The following RPS6KA2 variants were observed in gnomAD, a reference collection of about 807,000 sequenced individuals.
RPS6KA2 encodes ribosomal protein S6 kinase A2.
In RPS6KA2, 42 loss-of-function variants were observed where a neutral mutation model predicts 91.8. That is an observed-to-expected ratio of 0.46 (90% CI 0.36 to 0.59). RPS6KA2 has a LOEUF of 0.59. RPS6KA2 is among the 20% of genes least tolerant of loss of function. RPS6KA2 has a pLI of 0.00. For missense variants in RPS6KA2, 798 were observed against 978.5 expected (o/e 0.82, Z 2.46); for synonymous variants, 414 against 393.6 (o/e 1.05, Z -0.61).
At chr6:166,862,438 G>A (rs1429136841) in exon 1 of RPS6KA2, 7 of 1,262,756 alleles carry the variant, frequency 5.5e-6, no homozygotes, top group Non-Finnish European at 7.2e-6. Flanking sequence ...GCTCTGGGGA[G>A]CTGCTGCCGC....
rs1790689508 is a variant in RPS6KA2, at chr6:166,737,075, A to G, written c.123+121125T>C. 6.6e-6 allele frequency among the ~76,000 whole-genome samples: 1 copy of G among 152,180 alleles called. No homozygotes were observed. Among genetic ancestry groups the G allele is most frequent in the African/African-American group, 2.4e-5 (1 of 41,440 alleles). ...GCATGGAGCCTACGCTTTTTTACAG[A>G]CGCAAAAAGATAGATGCACATTCTT... On this transcript the variant is annotated intron_variant, in intron 2 of 21. Coordinates refer to the RPS6KA2 transcript ENST00000503859. This position sits in a 1 kb window ranked among gnomAD's most constrained non-coding sequence, Gnocchi z 4.3.
At chr6:166,558,984 T>G (rs1404251216) in intron 1 of RPS6KA2, among the ~76,000 whole-genome samples, 2 of 152,212 alleles carry the variant, frequency 1.3e-5, no homozygotes, top group African/African-American at 4.8e-5. Context: ...GTTTTGTGCT[T>G]TTGAGTGGGT....
intron 1 of RPS6KA2, among the ~76,000 whole-genome samples, chr6:166,588,763 C>T (rs1583305289): frequency 6.6e-6 from 1 of 152,190 alleles, no homozygotes; most frequent in African/African-American, 2.4e-5. Flanking sequence ...CCCGGAAGCT[C>T]AGGGCCCGAA....
intron 2 of RPS6KA2, among the ~76,000 whole-genome samples, chr6:166,761,500 A>G (rs1048005605): frequency 2.6e-5 from 4 of 152,236 alleles, no homozygotes; most frequent in Non-Finnish European, 5.9e-5. Context: ...AAGCATTGCT[A>G]TTGTTGACAG....
chr6:166,588,003 G>A (rs1177430495), intron 1 of RPS6KA2, among the ~76,000 whole-genome samples: 1 of 152,240 alleles, frequency 6.6e-6, no homozygotes, highest in Non-Finnish European at 1.5e-5. Flanking sequence ...AAAATATGCA[G>A]CATAAAATGA....
chr6:166,823,434 AGTGTGTGTGT>A lies in RPS6KA2; in HGVS notation c.123+34756_123+34765del, dbSNP rs56187218. 2.4e-3 allele frequency among the ~76,000 whole-genome samples: 348 copies of A among 148,032 alleles called. 1 individual carries two copies. The highest frequency in any genetic ancestry group is 8.7e-3 in the South Asian group (40 of 4,600). On this transcript the variant is annotated intron_variant, in intron 2 of 21. Coordinates refer to the RPS6KA2 transcript ENST00000503859. ...TTGTTATGCACTGTATTGGTTTTGC[AGTGTGTGTGT>A]GTGTGTGTGTGTGTGTGTGTGTGTG...
rs1325192661 is a variant in RPS6KA2, at chr6:166,480,502, T to A, written c.907+8331A>T. On this transcript the variant is annotated intron_variant, in intron 10 of 20. Transcript: ENST00000265678. ...TTTTATATATATATATATATATATA[T>A]ATATATATATATAATATATTTTTTT... 3.0e-5 allele frequency among the ~76,000 whole-genome samples: 4 copies of A among 135,338 alleles called. 1 individual carries two copies. In the Admixed American group the frequency reaches 3.0e-4, roughly 10 times the overall value. The allele number at this position is 135,338 out of a possible 152,430, so 88.8% of individuals were successfully genotyped here.
rs1019663738 is a variant in RPS6KA2 at position 166,635,331 on chromosome 6, A to G, written c.124-96547T>C. Among the ~76,000 whole-genome samples, 1 of 152,144 alleles carries G rather than the reference A, an allele frequency of 6.6e-6. No individual in the cohort carries two copies. The highest frequency in any genetic ancestry group is 1.5e-5 in the Non-Finnish European group (1 of 68,012). ...AGCAGGGACTCCTGCCCTGACGGGC[A>G]CTGCAGTCTCTGGGGTAGCACAGAC... On this transcript the variant is annotated intron_variant, in intron 2 of 21. Coordinates refer to the RPS6KA2 transcript ENST00000503859. This position sits in a 1 kb window ranked among gnomAD's most constrained non-coding sequence, Gnocchi z 4.8.
In RPS6KA2 at chr6:166,435,958, G is replaced by T. The variant is rs895435953; in HGVS notation, c.1333-3468C>A. On this transcript the variant is annotated intron_variant, in intron 14 of 20. Coordinates refer to ENST00000265678, the MANE Select transcript of RPS6KA2 (RefSeq NM_021135.6). The surrounding 1 kb of genome is among the most constrained non-coding windows in gnomAD (Gnocchi z 4.3). ...CTCCCTGTCCACTCCCTGTGGGGTT[G>T]CAGGAGCTCCCTGGGCCTCTCTACA... 6.6e-6 allele frequency among the ~76,000 whole-genome samples: 1 copy of T among 152,196 alleles called. No individual in the cohort carries two copies. The highest frequency in any genetic ancestry group is 1.5e-5 in the Non-Finnish European group (1 of 68,026).
At chr6:166,440,573 A>G (rs576748746) in intron 14 of RPS6KA2, among the ~76,000 whole-genome samples, 8 of 152,370 alleles carry the variant, frequency 5.3e-5, no homozygotes, top group Middle Eastern at 6.8e-3. Context: ...AGAATTGTCT[A>G]TTTTGGAAAA....
chr6:166,681,121 G>GT (rs1788794079), intron 2 of RPS6KA2, among the ~76,000 whole-genome samples: 1 of 152,190 alleles, frequency 6.6e-6, no homozygotes, highest in Non-Finnish European at 1.5e-5. Flanking sequence ...GGGCAGAGAG[G>GT]CAGCGCCAGA....
At chr6:166,601,367 G>A (rs1313040800) in intron 1 of RPS6KA2, among the ~76,000 whole-genome samples, 1 of 152,234 alleles carries the variant, frequency 6.6e-6, no homozygotes, top group Non-Finnish European at 1.5e-5. Flanking sequence ...TTGAAAGTAA[G>A]TTAATCTAGT....
chr6:166,478,937 G>A (rs537238637), intron 10 of RPS6KA2, among the ~76,000 whole-genome samples: 5 of 152,324 alleles, frequency 3.3e-5, no homozygotes, highest in African/African-American at 7.2e-5. Context: ...GAAGCCATCC[G>A]CTCAGGCCCA....
intron 2 of RPS6KA2, among the ~76,000 whole-genome samples, chr6:166,851,275 A>G (rs940533561): frequency 2.0e-5 from 3 of 152,170 alleles, no homozygotes; most frequent in African/African-American, 7.2e-5. Flanking sequence ...GAGGCCTTAC[A>G]GACACCCAAA....
chr6:166,721,426 AC>A (rs1312928673), intron 2 of RPS6KA2, among the ~76,000 whole-genome samples: 1 of 152,184 alleles, frequency 6.6e-6, no homozygotes, highest in Non-Finnish European at 1.5e-5. Context: ...CCACAGCTGA[AC>A]CCCCTCCATT....
intron 10 of RPS6KA2, among the ~76,000 whole-genome samples, chr6:166,478,949 A>G (rs1473389834): frequency 6.6e-6 from 1 of 152,156 alleles, no homozygotes; most frequent in Non-Finnish European, 1.5e-5. Flanking sequence ...TCAGGCCCAC[A>G]CGGCCAGGAA....
intron 2 of RPS6KA2, among the ~76,000 whole-genome samples, chr6:166,778,839 T>C (rs1778692769): frequency 6.6e-6 from 1 of 152,242 alleles, no homozygotes; most frequent in Non-Finnish European, 1.5e-5. Flanking sequence ...AGTGAGCTCC[T>C]GGCTCCTACA....
intron 2 of RPS6KA2, among the ~76,000 whole-genome samples, chr6:166,653,676 A>G (rs992850224): frequency 4.6e-5 from 7 of 152,242 alleles, no homozygotes; most frequent in African/African-American, 1.7e-4. Flanking sequence ...CTCATAAACT[A>G]AATGGATGGA....
At position 166,412,777 on chromosome 6, in the gene RPS6KA2, C is replaced by T. The variant is rs34651286; in HGVS notation, c.2187G>A (p.Thr729=). 1 of 1,598,718 alleles carries T rather than the reference C, an allele frequency of 6.3e-7. No homozygotes were observed. The highest frequency in any genetic ancestry group is 1.7e-5 in the Admixed American group (1 of 57,730). ...LAQRRGMKRL[T]STRL ...GTCCCACCCGCTACAGCCGCGTGGA[C>T]GTGAGTCTCTTCATGCCTCTGCGCT... The change falls in exon 21 of 21, where the codon ACG becomes ACA. Residue 729 remains threonine (T), a synonymous_variant. Transcript: ENST00000265678. This position sits in a 1 kb window ranked among gnomAD's most constrained non-coding sequence, Gnocchi z 4.3.
Sources: allele counts gnomAD v4.1 joint callset (sites outside exome capture counted in the v4.1 genomes callset), GRCh38; gene constraint gnomAD v4.1.1; non-coding constraint Gnocchi (gnomAD v3.1); transcripts MANE v1.5; gene names NCBI Gene and HGNC (gene_info 2026-07-23, HGNC 2026-07-21).